The following RIOK2 variants were observed in gnomAD, a reference collection of about 807,000 sequenced individuals.
RIOK2 encodes the protein RIO kinase 2, also known as serine/threonine-protein kinase RIO2.
A neutral mutation model predicts 62.4 loss-of-function variants in RIOK2; 46 were observed. The observed-to-expected ratio is 0.74, with a 90% CI of 0.58 to 0.94. RIOK2 has a LOEUF of 0.94. Ranked by LOEUF, RIOK2 falls within the 40% of genes least tolerant of loss-of-function variation. The pLI, the probability that RIOK2 is intolerant of heterozygous loss-of-function variation, is 0.00. For synonymous variants in RIOK2, 197 were observed against 216.0 expected (o/e 0.91, Z 0.77); for missense variants, 574 against 658.0 (o/e 0.87, Z 1.40).
intron 5 of RIOK2, among the ~76,000 whole-genome samples, chr5:97,172,419 A>T (rs1749036704): frequency 6.6e-6 from 1 of 152,162 alleles, no homozygotes; most frequent in Non-Finnish European, 1.5e-5. Flanking sequence ...CTTCCTTCAC[A>T]TCCATATCCA....
intron 8 of RIOK2, chr5:97,166,272 A>C (rs746833636): frequency 1.3e-5 from 6 of 454,456 alleles, no homozygotes; most frequent in Non-Finnish European, 2.7e-5. Flanking sequence ...CTTACTCAAA[A>C]TCCTGAGCCT....
chr5:97,163,260 T>C, intron 9 of RIOK2, 35 bp from the exon 10 acceptor site: 6 of 1,574,476 alleles, frequency 3.8e-6, no homozygotes, highest in Non-Finnish European at 5.2e-6. Flanking sequence ...TTACTGATAA[T>C]GAACCATTTC....
Position 97,163,015 on chromosome 5 carries a change from A to G in RIOK2, c.*46T>C. On this transcript the variant is annotated 3_prime_UTR_variant, in exon 10 of 10. Transcript: ENST00000283109. ...AAATGAGGGCTCAAAAAGGAATTAC[A>G]GTAACTTTAAAAAATATATTAAACA... 6.7e-7 allele frequency: 1 copy of G among 1,482,354 alleles called. No individual in the cohort carries two copies. Among genetic ancestry groups the G allele is most frequent in the Non-Finnish European group, 9.1e-7 (1 of 1,092,914 alleles). 91.8% of individuals were successfully genotyped at this position (1,482,354 alleles called of 1,614,324 possible).
In RIOK2 at chr5:97,179,037, G is replaced by A. The variant is rs1749260129; in HGVS notation, c.205+18C>T. The A allele has an allele frequency of 3.1e-6, 5 of 1,613,444 alleles. No homozygotes were observed. The highest frequency in any genetic ancestry group is 3.4e-6 in the Non-Finnish European group (4 of 1,179,730). ...CCAATTACCTGAAAAATCACAAATG[G>A]TGCCTCAAAATACTTACTTTTGGTA... On this transcript the variant is annotated intron_variant, in intron 2 of 9. Transcript: ENST00000283109.
In RIOK2 at chr5:97,172,985, TCA is replaced by T. The variant is rs770226922; in HGVS notation, c.587+188_587+189del. 8.9e-4 allele frequency among the ~76,000 whole-genome samples: 135 copies of T among 152,192 alleles called. 1 individual carries two copies. The highest frequency in any genetic ancestry group is 2.0e-3 in the Admixed American group (30 of 15,280). ...TCTTAATATTGAATGAATGAATGAA[TCA>T]CAGAGATTACAAAGTTCATATTGTC... On this transcript the variant is annotated intron_variant, in intron 5 of 9. Transcript: ENST00000283109.
intron 2 of RIOK2, among the ~76,000 whole-genome samples, chr5:97,178,433 G>A (rs947084617): frequency 1.3e-5 from 2 of 150,990 alleles, no homozygotes; most frequent in African/African-American, 4.9e-5. Flanking sequence ...CTTTTCTGCA[G>A]TACCTACTTG....
intron 1 of RIOK2, 49 bp from the exon 2 acceptor site, chr5:97,179,242 T>C: frequency 6.3e-7 from 1 of 1,581,770 alleles, no homozygotes; most frequent in Admixed American, 1.8e-5. Context: ...CAAAGCCTTG[T>C]CTATCAAAAC....
intron 4 of RIOK2, among the ~76,000 whole-genome samples, chr5:97,174,980 C>T (rs751407274): frequency 3.9e-5 from 6 of 151,942 alleles, no homozygotes; most frequent in Admixed American, 1.3e-4. Context: ...ATGGCTTGAG[C>T]CCAGGAGGTA....
rs1292027270 is a variant in RIOK2 at position 97,167,596 on chromosome 5, G to T, written c.1268C>A (p.Thr423Asn). Residue 423 changes from threonine (T) to asparagine (N), a missense_variant, in exon 8 of 10, where the codon ACT becomes AAT. Thr to Asn is a moderately conservative substitution (Grantham distance 65). Transcript: ENST00000283109. ...VTEFSEEKNR[T>N]ENYNRQDGQR... ...ACCATCTTGCCTGTTGTAATTTTCA[G>T]TTCTGTTTTTCTCCTCAGAAAATTC... is the stretch of plus-strand genomic sequence containing the variant. 1 of 1,614,188 alleles carries T rather than the reference G, an allele frequency of 6.2e-7. No homozygotes were observed. Among genetic ancestry groups the T allele is most frequent in the Non-Finnish European group, 8.5e-7 (1 of 1,180,010 alleles).
At chr5:97,177,673 G>T in intron 3 of RIOK2, 59 bp downstream of exon 3, 1 of 1,065,570 alleles carries the variant, frequency 9.4e-7, no homozygotes, top group Non-Finnish European at 1.4e-6. Flanking sequence ...AAAGGTTTCT[G>T]AAGGGAAAAC....
chr5:97,165,390 T>A (rs1465495757), intron 8 of RIOK2, among the ~76,000 whole-genome samples: 1 of 152,206 alleles, frequency 6.6e-6, no homozygotes, highest in Non-Finnish European at 1.5e-5. Flanking sequence ...GTAGAATGCT[T>A]AAGCCATTGA....
chr5:97,169,242 A>G (rs1748929957), intron 6 of RIOK2, among the ~76,000 whole-genome samples: 1 of 152,220 alleles, frequency 6.6e-6, no homozygotes, highest in East Asian at 1.9e-4. Flanking sequence ...CTTATCAGCA[A>G]CACTCACTAG....
chr5:97,165,323 A>G (rs1748816297), intron 8 of RIOK2, among the ~76,000 whole-genome samples, 176 bp from the exon 9 acceptor site: 1 of 152,228 alleles, frequency 6.6e-6, no homozygotes, highest in Non-Finnish European at 1.5e-5. Context: ...TAAGTTCTAT[A>G]CATTAACAAT....
In RIOK2 at chr5:97,179,556, G is replaced by GATAT. The variant is rs145674042; in HGVS notation, c.67-367_67-364dup. Among the ~76,000 whole-genome samples the GATAT allele has an allele frequency of 5.4e-3, 799 of 148,454 alleles. 7 individuals carry two copies. Among genetic ancestry groups the GATAT allele is most frequent in the African/African-American group, 0.019 (763 of 40,610 alleles). ...AGTACTACATGTAGGCATCGTAGAGGATATATATATATATATGAATGATAG... is the reference window on the plus strand; with the variant it reads ...AGTACTACATGTAGGCATCGTAGAGGATATATATATATATATATATGAATGATAG... On this transcript the variant is annotated intron_variant, in intron 1 of 9. Transcript: ENST00000283109.
In RIOK2 at chr5:97,168,682, T is replaced by C. The variant is rs541769901; in HGVS notation, c.872+78A>G. ...GTCAAAATTTGGAAAGTTTTTTAGA[T>C]GAAAATGTTAATTTTTAGAAATACA... On this transcript the variant is annotated intron_variant, in intron 7 of 9. Transcript: ENST00000283109. 481 of 924,734 alleles carry C rather than the reference T, an allele frequency of 5.2e-4. 5 individuals are homozygous for C. The South Asian group carries it at 0.01, about 20-fold the overall frequency. 57.3% of individuals were successfully genotyped at this position (924,734 alleles called of 1,614,324 possible).
chr5:97,174,017 G>A (rs373739021), intron 4 of RIOK2, among the ~76,000 whole-genome samples: 2 of 152,144 alleles, frequency 1.3e-5, no homozygotes, highest in Non-Finnish European at 1.5e-5. Context: ...CTTGTAAGGA[G>A]GCATATACCT....
At chr5:97,167,171 C>G in intron 8 of RIOK2, 1 of 1,184,738 alleles carries the variant, frequency 8.4e-7, no homozygotes, top group Non-Finnish European at 1.1e-6. Context: ...CCTGCCTTGG[C>G]CTCCCAGAAG....
chr5:97,181,053 C>A (rs1006948604), intron 1 of RIOK2, among the ~76,000 whole-genome samples: 1 of 151,884 alleles, frequency 6.6e-6, no homozygotes, highest in Non-Finnish European at 1.5e-5. Context: ...GTGGGTGGAT[C>A]ACGAGGTCAA....
chr5:97,166,950 T>A (rs1748858080), intron 8 of RIOK2: 1 of 886,746 alleles, frequency 1.1e-6, no homozygotes, highest in African/African-American at 1.8e-5. Context: ...AGTTTTTTGC[T>A]CGTCACCCAG....
Sources: allele counts gnomAD v4.1 joint callset (sites outside exome capture counted in the v4.1 genomes callset), GRCh38; gene constraint gnomAD v4.1.1; transcripts MANE v1.5; gene names NCBI Gene and HGNC (gene_info 2026-07-23, HGNC 2026-07-21).